Variants in HDAC9 observed in about 807,000 individuals in gnomAD.
The protein encoded by HDAC9 is histone deacetylase 9, also known as MEF-2 interacting transcription repressor (MITR) protein.
In HDAC9, 41 loss-of-function variants were observed where a neutral mutation model predicts 139.4. The ratio of observed to expected loss-of-function variants is 0.29; its 90% CI spans 0.23 to 0.38. The LOEUF is 0.38. Among genes scored for constraint, HDAC9 ranks in the 10% least tolerant of loss-of-function variants. HDAC9 has a pLI of 1.00. For missense variants in HDAC9, 1,147 were observed against 1,297.0 expected, an observed-to-expected ratio of 0.88 and a Z score of 1.78; for synonymous variants, 517 against 476.2, an observed-to-expected ratio of 1.09 and a Z score of -1.12.
At chr7:18,699,889 AT>A (rs1370180374) in intron 12 of HDAC9, among the ~76,000 whole-genome samples, 6 of 152,228 alleles carry the variant, frequency 3.9e-5, no homozygotes, top group Non-Finnish European at 8.8e-5. Context: ...CATATATAAA[AT>A]ATGTATATTT....
intron 11 of HDAC9, among the ~76,000 whole-genome samples, chr7:18,662,454 T>C (rs1257139282): frequency 2.0e-5 from 3 of 151,946 alleles, no homozygotes; most frequent in Admixed American, 2.0e-4. Context: ...TGGATGATAT[T>C]GCTGAAAGAG....
chr7:18,473,093 T>C (rs1443291622), intron 1 of HDAC9, among the ~76,000 whole-genome samples: 2 of 152,222 alleles, frequency 1.3e-5, no homozygotes, highest in African/African-American at 4.8e-5. Context: ...CTGAGATCAC[T>C]GGCCTTGCTG....
At chr7:18,353,320 G>A (rs779638) in intron 1 of HDAC9, among the ~76,000 whole-genome samples, 19,553 of 151,740 alleles carry the variant, frequency 0.13, 1,658 homozygotes, top group Non-Finnish European at 0.18. Flanking sequence ...GGGGGATACC[G>A]TATTTAAAGG....
At chr7:18,496,479 C>G (rs1796978260) in intron 2 of HDAC9, 155 bp downstream of exon 2, 1 of 624,312 alleles carries the variant, frequency 1.6e-6, no homozygotes, top group Admixed American at 3.0e-5. Context: ...AACTTAGATC[C>G]CTTCCATTAC....
intron 1 of HDAC9, among the ~76,000 whole-genome samples, chr7:18,108,562 G>A (rs988149154): frequency 5.4e-5 from 8 of 148,858 alleles, no homozygotes; most frequent in Admixed American, 2.0e-4. Flanking sequence ...AAATGAGATC[G>A]TATTCCTGAA....
chr7:18,439,786 A>G (rs1791573230), intron 1 of HDAC9, among the ~76,000 whole-genome samples: 1 of 152,192 alleles, frequency 6.6e-6, no homozygotes, highest in African/African-American at 2.4e-5. Flanking sequence ...CTCTTCATAC[A>G]TACACACACA....
At chr7:18,725,509 C>G (rs996819725) in intron 12 of HDAC9, among the ~76,000 whole-genome samples, 5 of 152,094 alleles carry the variant, frequency 3.3e-5, no homozygotes, top group Non-Finnish European at 5.9e-5. Flanking sequence ...GTCTTGCTTA[C>G]TGCAGGGCTT....
intron 1 of HDAC9, among the ~76,000 whole-genome samples, chr7:18,355,375 A>G (rs563107005): frequency 2.6e-5 from 4 of 152,306 alleles, no homozygotes; most frequent in South Asian, 4.1e-4. Context: ...GGCTCTTTAT[A>G]CTACCAGAAC....
chr7:18,945,686 G>A (rs550397462), intron 23 of HDAC9, among the ~76,000 whole-genome samples: 1 of 152,108 alleles, frequency 6.6e-6, no homozygotes, highest in Non-Finnish European at 1.5e-5. Flanking sequence ...ATAATATAGA[G>A]GTCAGGTTTG....
At chr7:18,916,022 G>GAAAAAAAAA (rs55866735) in intron 22 of HDAC9, among the ~76,000 whole-genome samples, 2 of 138,122 alleles carry the variant, frequency 1.4e-5, no homozygotes, top group African/African-American at 5.3e-5. Flanking sequence ...CCCCCCGCTG[G>GAAAAAAAAA]AAAAAAAAAA....
intron 23 of HDAC9, among the ~76,000 whole-genome samples, chr7:18,937,030 ATTTT>A (rs768350029): frequency 3.6e-4 from 35 of 96,694 alleles, no homozygotes; most frequent in African/African-American, 1.2e-3. Context: ...GCTCTTGTTA[ATTTT>A]TTTTTTTTTT....
intron 1 of HDAC9, among the ~76,000 whole-genome samples, chr7:18,118,720 T>G (rs1784175715): frequency 1.3e-5 from 2 of 152,190 alleles, no homozygotes; most frequent in Non-Finnish European, 2.9e-5. Flanking sequence ...TTACTAGCCT[T>G]CAAATCCTTG....
chr7:18,115,314 A>G (rs768818309), intron 1 of HDAC9, among the ~76,000 whole-genome samples: 6 of 151,634 alleles, frequency 4.0e-5, no homozygotes, highest in African/African-American at 1.5e-4. Flanking sequence ...AAAAATCCAT[A>G]TATGGATCAA....
intron 8 of HDAC9, among the ~76,000 whole-genome samples, chr7:18,638,002 A>G (rs181418895): frequency 4.1e-4 from 63 of 152,238 alleles, no homozygotes; most frequent in African/African-American, 1.4e-3. Flanking sequence ...CCTAAGATTG[A>G]TAGTAGTACG....
At chr7:18,206,328 G>A (rs1791509304) in intron 2 of HDAC9, among the ~76,000 whole-genome samples, 1 of 152,060 alleles carries the variant, frequency 6.6e-6, no homozygotes, top group Non-Finnish European at 1.5e-5. Flanking sequence ...CATATTAGTT[G>A]TATAAACCTG....
chr7:18,818,509 A>AGAG, intron 17 of HDAC9, among the ~76,000 whole-genome samples: 1 of 152,242 alleles, frequency 6.6e-6, no homozygotes, highest in Non-Finnish European at 1.5e-5. Context: ...TATAAATGTC[A>AGAG]CATAGACTTA....
chr7:18,250,720 C>T (rs1253633773), intron 2 of HDAC9, among the ~76,000 whole-genome samples: 2 of 152,136 alleles, frequency 1.3e-5, no homozygotes, highest in East Asian at 3.8e-4. Flanking sequence ...AATGGTTGAA[C>T]TAATTTAAAC....
At chr7:18,541,834 T>C (rs1338612722) in intron 2 of HDAC9, among the ~76,000 whole-genome samples, 2 of 152,236 alleles carry the variant, frequency 1.3e-5, no homozygotes, top group Non-Finnish European at 2.9e-5. Context: ...TAGTGATTCA[T>C]GAAAATGTAA....
At chr7:18,995,290 T>G (rs1310302867) in intron 25 of HDAC9, among the ~76,000 whole-genome samples, 1 of 152,212 alleles carries the variant, frequency 6.6e-6, no homozygotes. Flanking sequence ...CTACCTCATG[T>G]ATTTGGATTC....
Sources: gnomAD v4.1 joint callset for allele counts (sites outside exome capture counted in the v4.1 genomes callset) on GRCh38, gnomAD v4.1.1 for gene constraint, MANE v1.5 for transcripts, NCBI Gene and HGNC (gene_info 2026-07-23, HGNC 2026-07-21) for gene names.